The following PTPRC variants were observed in gnomAD, a reference collection of about 807,000 sequenced individuals.
The protein encoded by PTPRC is protein tyrosine phosphatase receptor type C, also known as receptor-type tyrosine-protein phosphatase C.
In PTPRC, 44 loss-of-function variants were observed where a neutral mutation model predicts 155.9. The ratio of observed to expected loss-of-function variants is 0.28; its 90% CI spans 0.22 to 0.36. The LOEUF is 0.36. Among genes scored for constraint, PTPRC ranks in the 10% least tolerant of loss-of-function variants. PTPRC has a pLI of 1.00. For synonymous variants in PTPRC, 525 were observed against 533.1 expected, an observed-to-expected ratio of 0.98 and a Z score of 0.21; for missense variants, 1,401 against 1,564.6, an observed-to-expected ratio of 0.90 and a Z score of 1.76.
intron 2 of PTPRC, among the ~76,000 whole-genome samples, chr1:198,681,995 C>T (rs555277692): frequency 1.3e-5 from 2 of 152,290 alleles, no homozygotes; most frequent in African/African-American, 4.8e-5. Flanking sequence ...CGCCTGTGTG[C>T]TTAACCGCAT....
intron 14 of PTPRC, among the ~76,000 whole-genome samples, chr1:198,719,187 T>A (rs1021636940): frequency 1.1e-4 from 17 of 152,142 alleles, no homozygotes; most frequent in African/African-American, 4.1e-4. Context: ...CCCTGGTGTA[T>A]CAGTGTATGA....
At chr1:198,755,518 G>A (rs973442524) in intron 32 of PTPRC, among the ~76,000 whole-genome samples, 1 of 151,964 alleles carries the variant, frequency 6.6e-6, no homozygotes, top group Middle Eastern at 3.4e-3. Flanking sequence ...CATGAATGAG[G>A]GCATTTAATT....
chr1:198,740,982 T>C (rs1173837742), intron 23 of PTPRC, among the ~76,000 whole-genome samples: 2 of 151,868 alleles, frequency 1.3e-5, no homozygotes, highest in African/African-American at 2.4e-5. Flanking sequence ...TCTTCTTAGG[T>C]TTCCATGGTA....
intron 15 of PTPRC, among the ~76,000 whole-genome samples, chr1:198,724,001 T>C (rs1162449698): frequency 6.6e-6 from 1 of 152,136 alleles, no homozygotes; most frequent in Non-Finnish European, 1.5e-5. Flanking sequence ...ATGAGGACAA[T>C]AGAGTTCACA....
At chr1:198,735,589 C>T (rs1484947513) in intron 23 of PTPRC, among the ~76,000 whole-genome samples, 1 of 151,244 alleles carries the variant, frequency 6.6e-6, no homozygotes, top group Non-Finnish European at 1.5e-5. Context: ...CAGTGAGTTC[C>T]TACTTTTATG....
chr1:198,649,371 A>G (rs1409362), intron 2 of PTPRC, among the ~76,000 whole-genome samples: 34,566 of 151,752 alleles, frequency 0.23, 5,037 homozygotes, highest in Middle Eastern at 0.34. Flanking sequence ...TGTAATGGCT[A>G]AGGAAACATA....
chr1:198,642,926 T>TTCTC (rs1662697728), intron 2 of PTPRC, among the ~76,000 whole-genome samples: 1 of 148,016 alleles, frequency 6.8e-6, no homozygotes, highest in Admixed American at 6.8e-5. Context: ...CTTTCTTTCT[T>TTCTC]TCTTTCTTTC....
chr1:198,661,571 G>A (rs1322877816), intron 2 of PTPRC, among the ~76,000 whole-genome samples: 3 of 151,840 alleles, frequency 2.0e-5, no homozygotes, highest in African/African-American at 7.2e-5. Flanking sequence ...TGAGAGAGAA[G>A]AAGAAAAATA....
At chr1:198,719,595 T>C (rs1653779557) in intron 14 of PTPRC, among the ~76,000 whole-genome samples, 1 of 151,604 alleles carries the variant, frequency 6.6e-6, no homozygotes, top group South Asian at 2.1e-4. Flanking sequence ...TTTGTTTTGT[T>C]TTGTTTGTTT....
In PTPRC at chr1:198,752,362, A is replaced by C. The variant is rs780202804; in HGVS notation, c.3321A>C (p.Arg1107Ser). 3.6e-5 allele frequency: 58 copies of C among 1,612,652 alleles called. No homozygotes were observed. The highest frequency in any genetic ancestry group is 4.7e-5 in the Non-Finnish European group (56 of 1,179,244). Residue 1107 changes from arginine to serine, a missense_variant, in exon 30 of 33, where the codon AGA becomes AGC. Coordinates refer to ENST00000442510, the MANE Select transcript of PTPRC (RefSeq NM_002838.5). ...ATACCCTTCGTGTCTTTGAACTGAG[A>C]CATTCCAAGGTATGGAAACAATTTG... ...STYTLRVFEL[R>S]HSKRKDSRTV...
Position 198,703,857 on chromosome 1 carries a change from C to A in PTPRC, c.658+485C>A, listed in dbSNP as rs140260935. On this transcript the variant is annotated intron_variant, in intron 7 of 32. Coordinates refer to ENST00000442510, the MANE Select transcript of PTPRC (RefSeq NM_002838.5). ...GCAAGCCCACAATTCTCCTCAAATT[C>A]TTCCAACCCAAAATCAAGATGAGCA... 1.2e-4 allele frequency: 22 copies of A among 178,012 alleles called. No individual in the cohort carries two copies. The East Asian group carries it at 3.2e-3, about 26-fold the overall frequency. 11.0% of individuals were successfully genotyped at this position (178,012 alleles called of 1,614,324 possible).
rs1434241360 is a variant in PTPRC at position 198,742,107 on chromosome 1, C to T, written c.2561+81C>T. 3 of 1,601,512 alleles carry T rather than the reference C, an allele frequency of 1.9e-6. No individual in the cohort carries two copies. In the Admixed American group the frequency reaches 5.0e-5, roughly 27 times the overall value. ...ACCTGCCTAGGGCTGTTAGAGACAT[C>T]TTTCCCTTTGGCAATTGCTATTTTG... On this transcript the variant is annotated intron_variant, in intron 24 of 32. Transcript: ENST00000442510.
intron 3 of PTPRC, chr1:198,692,905 C>T (rs1666006291): frequency 3.3e-6 from 3 of 900,546 alleles, no homozygotes; most frequent in Non-Finnish European, 4.0e-6. Context: ...ATGTCTTAAT[C>T]ATGAGATAAA....
intron 14 of PTPRC, among the ~76,000 whole-genome samples, chr1:198,721,094 G>A (rs1571869095): frequency 6.6e-6 from 1 of 151,974 alleles, no homozygotes; most frequent in Non-Finnish European, 1.5e-5. Flanking sequence ...ATTCAGTTTC[G>A]AATTCTCTTC....
rs767330204 is a variant in PTPRC, at chr1:198,703,460, G to A, written c.658+88G>A. ...AGGGCCTTCCACCCACTCTACCTCG[G>A]GCTCCTTTCTTTAAGTTGCATTAAG... On this transcript the variant is annotated intron_variant, in intron 7 of 32. Coordinates refer to ENST00000442510, the MANE Select transcript of PTPRC (RefSeq NM_002838.5). The A allele has an allele frequency of 3.8e-6, 6 of 1,599,120 alleles. No individual in the cohort carries two copies. The Admixed American group carries it at 1.0e-4, about 27-fold the overall frequency.
At chr1:198,675,486 G>T (rs776455082) in intron 2 of PTPRC, among the ~76,000 whole-genome samples, 3 of 151,966 alleles carry the variant, frequency 2.0e-5, no homozygotes, top group Non-Finnish European at 4.4e-5. Context: ...CCCTGACTAG[G>T]TTTGATTGGA....
chr1:198,746,410 A>G (rs894012531), intron 26 of PTPRC, among the ~76,000 whole-genome samples: 1 of 151,722 alleles, frequency 6.6e-6, no homozygotes, highest in Non-Finnish European at 1.5e-5. Context: ...TTTTCTTAAA[A>G]GGGCTGCTGA....
In PTPRC at chr1:198,716,796, G is replaced by A. The variant is rs1348367829; in HGVS notation, c.1406G>A (p.Arg469His). ...LHAYIIAKVQRNGSAAMCHFT... is the reference protein window; with the variant it reads ...LHAYIIAKVQHNGSAAMCHFT... Reference sequence around the variant, plus strand: ...GCCTACATCATTGCAAAAGTGCAACGTAATGGAAGTGCTGCAATGTGTCAT... The same window carrying A: ...GCCTACATCATTGCAAAAGTGCAACATAATGGAAGTGCTGCAATGTGTCAT... The change falls in exon 13 of 33, where the codon CGT becomes CAT. Residue 469 changes from arginine (R) to histidine (H), a missense_variant. Arg to His is a conservative substitution (Grantham distance 29). Transcript: ENST00000442510. The A allele has an allele frequency of 1.2e-5, 20 of 1,613,450 alleles. No homozygotes were observed. The highest frequency in any genetic ancestry group is 3.3e-5 in the Admixed American group (2 of 60,004).
At chr1:198,731,044 A>G (rs1349582794) in intron 17 of PTPRC, among the ~76,000 whole-genome samples, 1 of 152,092 alleles carries the variant, frequency 6.6e-6, no homozygotes, top group African/African-American at 2.4e-5. Context: ...TGGTTAGTAT[A>G]CTTTTTAATC....
Sources: gnomAD v4.1 joint callset for allele counts (sites outside exome capture counted in the v4.1 genomes callset) on GRCh38, gnomAD v4.1.1 for gene constraint, MANE v1.5 for transcripts, NCBI Gene and HGNC (gene_info 2026-07-23, HGNC 2026-07-21) for gene names.